OPTN: variants seen among roughly 807,000 people sequenced by gnomAD.
The protein encoded by OPTN is E3-14.7K-interacting protein.
OPTN carries 54 observed loss-of-function variants against 70.4 expected under a neutral mutation model. The ratio of observed to expected loss-of-function variants is 0.77; its 90% CI spans 0.62 to 0.96. The LOEUF is 0.96. Among genes scored for constraint, OPTN ranks in the 40% least tolerant of loss-of-function variants. The probability of loss-of-function intolerance (pLI) is 0.00; values close to 1 mark genes in which losing one functional copy is unlikely to be tolerated. For missense variants in OPTN, 624 were observed against 673.2 expected (o/e 0.93, Z 0.81); for synonymous variants, 256 against 248.5 (o/e 1.03, Z -0.28).
At chr10:13,129,653 G>A (rs1833551027) in intron 12 of OPTN, among the ~76,000 whole-genome samples, 1 of 152,130 alleles carries the variant, frequency 6.6e-6, no homozygotes, top group Non-Finnish European at 1.5e-5. Context: ...TTGAATGGTT[G>A]GATCATGAGT....
intron 11 of OPTN, among the ~76,000 whole-genome samples, chr10:13,126,344 G>C (rs1253830781): frequency 1.2e-4 from 18 of 145,658 alleles, no homozygotes; most frequent in South Asian, 8.8e-4. Context: ...GCAGTGGCGC[G>C]ATCTCGGCTC....
At chr10:13,116,485 G>A (rs1026049931) in intron 6 of OPTN, 145 bp downstream of exon 6, 4 of 712,510 alleles carry the variant, frequency 5.6e-6, no homozygotes, top group Non-Finnish European at 1.0e-5. Context: ...TATTTGGTTT[G>A]AATGCTATTT....
chr10:13,115,949 A>G (rs1833198113), intron 5 of OPTN, among the ~76,000 whole-genome samples: 1 of 152,116 alleles, frequency 6.6e-6, no homozygotes, highest in Non-Finnish European at 1.5e-5. Flanking sequence ...ACCTTGAGAA[A>G]GAGGGAACTG....
In OPTN at chr10:13,114,968, TATA is replaced by T. The variant is rs1833119770; in HGVS notation, c.553-1298_553-1296del. Among the ~76,000 whole-genome samples the T allele has an allele frequency of 6.8e-4, 9 of 13,172 alleles. 1 individual carries two copies. The highest frequency in any genetic ancestry group is 3.9e-4 in the Non-Finnish European group (2 of 5,068). 8.6% of individuals were successfully genotyped at this position (13,172 alleles called of 152,430 possible). A position where few individuals can be genotyped will look rare whatever the true frequency, so the allele number is the denominator to read the frequency against. On this transcript the variant is annotated intron_variant, in intron 5 of 14. Coordinates refer to ENST00000378747, the MANE Select transcript of OPTN (RefSeq NM_001008212.2). ...ATATATAGATATATCTATATTTATATATATTTATATATAGATATATCTATATTT... is the reference window on the plus strand; with the variant it reads ...ATATATAGATATATCTATATTTATATTTTATATATAGATATATCTATATTT...
chr10:13,132,308 A>C, intron 13 of OPTN, 111 bp downstream of exon 13: 2 of 1,158,290 alleles, frequency 1.7e-6, no homozygotes, highest in Non-Finnish European at 2.5e-6. Context: ...TGTTCGCGCC[A>C]CTGCACTCCT....
chr10:13,124,187 T>A, intron 9 of OPTN, 77 bp downstream of exon 9: 1 of 820,300 alleles, frequency 1.2e-6, no homozygotes, highest in Non-Finnish European at 2.0e-6. Flanking sequence ...AAAAACATAG[T>A]TTTTTAACTA....
intron 2 of OPTN, among the ~76,000 whole-genome samples, chr10:13,108,774 C>T (rs986625982): frequency 3.3e-5 from 5 of 152,086 alleles, no homozygotes; most frequent in Non-Finnish European, 5.9e-5. Context: ...TCTCAATCTC[C>T]TGACCTCATG....
At chr10:13,114,648 ATATATG>A in intron 5 of OPTN, among the ~76,000 whole-genome samples, 1 of 147,960 alleles carries the variant, frequency 6.8e-6, no homozygotes, top group Non-Finnish European at 1.5e-5. Context: ...CAGAGAAAAA[ATATATG>A]TATCTATGTT....
intron 4 of OPTN, 114 bp from the exon 5 acceptor site, chr10:13,112,339 C>A (rs1000451632): frequency 2.0e-5 from 20 of 987,688 alleles, no homozygotes; most frequent in Non-Finnish European, 2.8e-5. Context: ...AAAATCCTGG[C>A]CTCAAGGGAT....
rs1197658293 is a variant in OPTN, at chr10:13,109,223, C to T, written c.101C>T (p.Thr34Met). 2.7e-5 allele frequency: 44 copies of T among 1,613,904 alleles called. No homozygotes were observed. The highest frequency in any genetic ancestry group is 3.6e-5 in the Non-Finnish European group (42 of 1,179,992). The change falls in exon 3 of 15, where the codon ACG becomes ATG. Residue 34 changes from threonine (T) to methionine (M), a missense_variant. Coordinates refer to ENST00000378747, the MANE Select transcript of OPTN (RefSeq NM_001008212.2). Reference protein sequence around the residue: ...PPHLAHPNLDTFTPEELLQQM... With the variant: ...PPHLAHPNLDMFTPEELLQQM... ...CACCTGGCCCACCCAAACCTGGACACGTTTACCCCGGAGGAGCTGCTGCAG... is the reference window on the plus strand; with the variant it reads ...CACCTGGCCCACCCAAACCTGGACATGTTTACCCCGGAGGAGCTGCTGCAG...
At chr10:13,115,536 A>G (rs1273569032) in intron 5 of OPTN, among the ~76,000 whole-genome samples, 2 of 121,776 alleles carry the variant, frequency 1.6e-5, no homozygotes, top group Admixed American at 2.0e-4. Context: ...AATATATAAT[A>G]TAGAATATAT....
Position 13,136,733 on chromosome 10 carries a change from A to T in OPTN, c.1613-12A>T. The T allele has an allele frequency of 1.2e-6, 2 of 1,613,900 alleles. No homozygotes were observed. The highest frequency in any genetic ancestry group is 1.7e-6 in the Non-Finnish European group (2 of 1,179,858). ...AAAATGGAACTAATGGAATTATCAT[A>T]CTTATTCCCAGGAGCTGAGGACAGG... is the stretch of plus-strand genomic sequence containing the variant. On this transcript the variant is annotated splice_polypyrimidine_tract_variant and intron_variant, in intron 14 of 14. Transcript: ENST00000378747.
At chr10:13,110,091 C>A in intron 3 of OPTN, 183 bp from the exon 4 acceptor site, 1 of 1,038,698 alleles carries the variant, frequency 9.6e-7, no homozygotes, top group Non-Finnish European at 1.4e-6. Context: ...TGATGTTCAT[C>A]CCGCTAGTCT....
In OPTN at chr10:13,125,499, G is replaced by A. The variant is rs754518566; in HGVS notation, c.1080G>A (p.Lys360=). 1 of 1,614,106 alleles carries A rather than the reference G, an allele frequency of 6.2e-7. No homozygotes were observed. Among genetic ancestry groups the A allele is most frequent in the Non-Finnish European group, 8.5e-7 (1 of 1,180,002 alleles). Residue 360 remains lysine, a synonymous_variant, in exon 10 of 15, where the codon AAG becomes AAA. Coordinates refer to ENST00000378747, the MANE Select transcript of OPTN (RefSeq NM_001008212.2). ...AAGAGCTTGTTTATACTAACAAAAAGTTAGAGCTACAAGTGGAAAGCATGC... is the reference window on the plus strand; with the variant it reads ...AAGAGCTTGTTTATACTAACAAAAAATTAGAGCTACAAGTGGAAAGCATGC... ...EKQELVYTNK[K]LELQVESMLS... is the part of the protein sequence containing the mutation.
chr10:13,126,049 G>T lies in OPTN; in HGVS notation c.1242+10G>T. 6.5e-7 allele frequency: 1 copy of T among 1,545,088 alleles called. No individual in the cohort carries two copies. The highest frequency in any genetic ancestry group is 1.1e-5 in the South Asian group (1 of 89,484). The stretch of plus-strand genomic sequence containing the variant: ...ACTAACAAGAAAAGAGGTATTCACT[G>T]AAAAAAATTACTTCCATAGCCTAGT... On this transcript the variant is annotated intron_variant, in intron 11 of 14. Transcript: ENST00000378747.
chr10:13,110,398 A>C lies in OPTN; in HGVS notation c.291A>C (p.Leu97=). 2 of 1,614,162 alleles carry C rather than the reference A, an allele frequency of 1.2e-6. No homozygotes were observed. Among genetic ancestry groups the C allele is most frequent in the Non-Finnish European group, 1.7e-6 (2 of 1,179,986 alleles). ...AGAGCAAAGAAGCAAAAGAGCGTCT[A>C]ATGGCCTTGAGTCATGAGAATGAGA... The part of the protein sequence containing the change: ...EIQSKEAKER[L]MALSHENEKL... The change falls in exon 4 of 15, where the codon CTA becomes CTC. Residue 97 remains leucine (L), a synonymous_variant. Coordinates refer to ENST00000378747, the MANE Select transcript of OPTN (RefSeq NM_001008212.2).
chr10:13,104,921 G>A (rs1335146617), intron 1 of OPTN: 2 of 269,342 alleles, frequency 7.4e-6, no homozygotes, highest in Admixed American at 4.7e-5. Flanking sequence ...AAGAGGTGCA[G>A]TGGCTGCTGG....
At chr10:13,115,384 G>C (rs1272149042) in intron 5 of OPTN, among the ~76,000 whole-genome samples, 1 of 102,516 alleles carries the variant, frequency 9.8e-6, no homozygotes, top group African/African-American at 3.9e-5. Context: ...ATATGTATCT[G>C]TTTTATAATA....
chr10:13,118,366 TTGACA>T (rs766768085), intron 6 of OPTN, among the ~76,000 whole-genome samples: 78 of 152,360 alleles, frequency 5.1e-4, no homozygotes, highest in Non-Finnish European at 7.5e-4. Flanking sequence ...AGAAAAATAC[TTGACA>T]TATCAACAGA....
Sources: allele counts gnomAD v4.1 joint callset (sites outside exome capture counted in the v4.1 genomes callset), GRCh38; gene constraint gnomAD v4.1.1; transcripts MANE v1.5; gene names NCBI Gene and HGNC (gene_info 2026-07-23, HGNC 2026-07-21).